The following GRIK3 variants were observed in gnomAD, a reference collection of about 807,000 sequenced individuals.
GRIK3 encodes glutamate receptor ionotropic, kainate 3.
In GRIK3, 29 loss-of-function variants were observed where a neutral mutation model predicts 102.5. The ratio of observed to expected loss-of-function variants is 0.28; its 90% confidence interval spans 0.21 to 0.39. The LOEUF (loss-of-function observed/expected upper bound fraction) is 0.39. Among genes scored for constraint, GRIK3 ranks in the 10% least tolerant of loss-of-function variants. The pLI is 1.00. For synonymous variants in GRIK3, 511 were observed against 504.9 expected (o/e 1.01, Z -0.16); for missense variants, 908 against 1,252.4 (o/e 0.73, Z 4.15).
intron 5 of GRIK3, among the ~76,000 whole-genome samples, chr1:36,866,481 C>A (rs1286159991): frequency 6.6e-6 from 1 of 152,196 alleles, no homozygotes. Context: ...GAGAGTCTAT[C>A]TCCCTTGGAA....
intron 5 of GRIK3, 69 bp from the exon 6 acceptor site, chr1:36,860,086 C>T: frequency 7.7e-7 from 1 of 1,290,828 alleles, no homozygotes; most frequent in Non-Finnish European, 1.1e-6. Context: ...CGCCTCCTAC[C>T]CACTCCCTAA....
At chr1:36,832,764 G>T (rs1202751397) in intron 10 of GRIK3, among the ~76,000 whole-genome samples, 1 of 152,176 alleles carries the variant, frequency 6.6e-6, no homozygotes, top group Non-Finnish European at 1.5e-5. Flanking sequence ...CCCCATAGGG[G>T]TCCCCAGGTT....
intron 1 of GRIK3, among the ~76,000 whole-genome samples, chr1:36,946,035 A>G (rs887360221): frequency 6.6e-6 from 1 of 152,260 alleles, no homozygotes; most frequent in Admixed American, 6.5e-5. Flanking sequence ...ACTGACAGAA[A>G]GTGAGAGAGA....
chr1:36,973,270 C>T (rs1642162760), intron 1 of GRIK3, among the ~76,000 whole-genome samples: 2 of 152,178 alleles, frequency 1.3e-5, no homozygotes, highest in South Asian at 2.1e-4. Context: ...CGGCGCTGGA[C>T]TTCTCTGGCC....
rs114864586 is a variant in GRIK3, at chr1:36,806,087, G to C, written c.2314+17C>G. On this transcript the variant is annotated intron_variant, in intron 14 of 15. Transcript: ENST00000373091. The surrounding 1 kb of genome is among the most constrained non-coding windows in gnomAD (Gnocchi z 4.0). ...TGCCCACACACCCACCCCTCCCACA[G>C]GCAGCCCCTCGCTCACCCATGGGCG... 3.0e-3 allele frequency: 4,772 copies of C among 1,587,628 alleles called. 105 individuals carry two copies. The African/African-American group carries it at 0.051, about 17-fold the overall frequency.
At chr1:36,977,187 T>C (rs1642204410) in intron 1 of GRIK3, among the ~76,000 whole-genome samples, 1 of 152,244 alleles carries the variant, frequency 6.6e-6, no homozygotes, top group African/African-American at 2.4e-5. Context: ...TCCATTTCTT[T>C]AGCTCTGAAA....
In GRIK3 at chr1:37,027,059, G is replaced by T. The variant is rs147993535; in HGVS notation, c.115+6935C>A. The stretch of plus-strand genomic sequence containing the variant: ...GCACAATGCACATGCATTAGAGAAA[G>T]CCTAGATACCGACTCACCCCCAGAA... On this transcript the variant is annotated intron_variant, in intron 1 of 15. Coordinates refer to ENST00000373091, the MANE Select transcript of GRIK3 (RefSeq NM_000831.4). 3.6e-3 allele frequency among the ~76,000 whole-genome samples: 544 copies of T among 152,096 alleles called. 4 individuals are homozygous for T. The highest frequency in any genetic ancestry group is 0.012 in the African/African-American group (499 of 41,482).
intron 1 of GRIK3, among the ~76,000 whole-genome samples, chr1:36,908,538 G>A (rs1383506045): frequency 6.6e-6 from 1 of 152,204 alleles, no homozygotes; most frequent in African/African-American, 2.4e-5. Flanking sequence ...CCCGCTGGAG[G>A]CTGCCCCCCT....
At chr1:36,924,802 C>T (rs1237320072) in intron 1 of GRIK3, among the ~76,000 whole-genome samples, 1 of 152,122 alleles carries the variant, frequency 6.6e-6, no homozygotes, top group Non-Finnish European at 1.5e-5. Context: ...GGCTCTTGAG[C>T]ACACGTGCAC....
chr1:36,858,008 G>A (rs1418097508), intron 7 of GRIK3, among the ~76,000 whole-genome samples: 1 of 152,186 alleles, frequency 6.6e-6, no homozygotes, highest in African/African-American at 2.4e-5. Flanking sequence ...TCCTAAGAAG[G>A]CAGCTGGCTT....
At chr1:36,818,678 G>A (rs956042581) in intron 12 of GRIK3, among the ~76,000 whole-genome samples, 1 of 152,220 alleles carries the variant, frequency 6.6e-6, no homozygotes, top group Non-Finnish European at 1.5e-5. Flanking sequence ...CTGGCATGTA[G>A]TGGGTGCCCA....
intron 1 of GRIK3, among the ~76,000 whole-genome samples, chr1:36,900,312 C>A (rs1018294972): frequency 1.3e-5 from 2 of 152,046 alleles, no homozygotes. Context: ...GCTCCTCCTC[C>A]TCCTCTTCCT....
intron 1 of GRIK3, among the ~76,000 whole-genome samples, chr1:37,025,725 C>T (rs182440237): frequency 5.8e-4 from 88 of 152,336 alleles, no homozygotes; most frequent in Non-Finnish European, 1.1e-3. Flanking sequence ...CCCCTTCCAT[C>T]GGCAGCCTGT....
At chr1:36,826,937 C>T (rs1247766247) in intron 10 of GRIK3, among the ~76,000 whole-genome samples, 1 of 152,154 alleles carries the variant, frequency 6.6e-6, no homozygotes, top group Non-Finnish European at 1.5e-5. Flanking sequence ...CCCCATGAGG[C>T]CCCAATGAAA....
chr1:36,815,119 G>C (rs1642611666), intron 13 of GRIK3, among the ~76,000 whole-genome samples: 1 of 152,210 alleles, frequency 6.6e-6, no homozygotes, highest in African/African-American at 2.4e-5. Context: ...CACATACAGA[G>C]TCCCATAGTG....
rs115225333 is a variant in GRIK3, at chr1:36,975,523, G to A, written c.115+58471C>T. Reference sequence around the variant, plus strand: ...ATTAGCCAGTATGGTCTCGATCTCCGGACCTCGTGATCTCCCGCCTTGGCC... The same window carrying A: ...ATTAGCCAGTATGGTCTCGATCTCCAGACCTCGTGATCTCCCGCCTTGGCC... On this transcript the variant is annotated intron_variant, in intron 1 of 15. Transcript: ENST00000373091. Among the ~76,000 whole-genome samples the A allele has an allele frequency of 5.7e-3, 869 of 152,122 alleles. 10 individuals carry two copies. The highest frequency in any genetic ancestry group is 0.02 in the African/African-American group (839 of 41,472).
chr1:36,913,085 T>C (rs921528706), intron 1 of GRIK3, among the ~76,000 whole-genome samples: 1 of 152,128 alleles, frequency 6.6e-6, no homozygotes, highest in Admixed American at 6.5e-5. Context: ...AGACACCCTG[T>C]CCCTTACAAG....
chr1:36,838,139 G>C (rs755533144), intron 10 of GRIK3, among the ~76,000 whole-genome samples: 3 of 152,194 alleles, frequency 2.0e-5, no homozygotes, highest in Non-Finnish European at 2.9e-5. Context: ...TGAGCACTGG[G>C]AACTTGGCGA....
At chr1:36,923,184 T>G (rs1037857336) in intron 1 of GRIK3, among the ~76,000 whole-genome samples, 2 of 152,214 alleles carry the variant, frequency 1.3e-5, no homozygotes, top group Non-Finnish European at 2.9e-5. Context: ...AAAACCACCC[T>G]AGGTAAAAAT....
Sources: gnomAD v4.1 joint callset for allele counts (sites outside exome capture counted in the v4.1 genomes callset) on GRCh38, gnomAD v4.1.1 for gene constraint, Gnocchi (gnomAD v3.1) non-coding constraint, MANE v1.5 for transcripts, NCBI Gene and HGNC (gene_info 2026-07-23, HGNC 2026-07-21) for gene names.